The following LGALS12 variants were observed in gnomAD, a reference collection of about 807,000 sequenced individuals.
LGALS12 encodes the protein galectin-12.
Under a neutral mutation model 36.8 loss-of-function variants are expected in LGALS12, and 36 were observed. The observed-to-expected ratio is 0.98, with a 90% CI of 0.75 to 1.29. LGALS12 has a LOEUF of 1.29. LGALS12 is among the 50% of genes most tolerant of loss of function. The pLI is 0.00. For synonymous variants in LGALS12, 145 were observed against 155.9 expected, an observed-to-expected ratio of 0.93 and a Z score of 0.52; for missense variants, 366 against 394.3, an observed-to-expected ratio of 0.93 and a Z score of 0.61.
At chr11:63,511,531 G>T (rs898496930) in intron 6 of LGALS12, among the ~76,000 whole-genome samples, 1 of 152,216 alleles carries the variant, frequency 6.6e-6, no homozygotes, top group African/African-American at 2.4e-5. Context: ...GGACATGGTG[G>T]TCGGGACACA....
At chr11:63,513,243 T>G (rs2016980782) in intron 7 of LGALS12, among the ~76,000 whole-genome samples, 2 of 152,316 alleles carry the variant, frequency 1.3e-5, no homozygotes, top group East Asian at 1.9e-4. Context: ...GATGGAACAC[T>G]TCTTCCCACA....
chr11:63,515,929 G>C (rs191212872), intron 8 of LGALS12, among the ~76,000 whole-genome samples: 3 of 152,090 alleles, frequency 2.0e-5, no homozygotes, highest in South Asian at 2.1e-4. Flanking sequence ...ATGCAGGTGG[G>C]GGGGGGCCCA....
In LGALS12 at chr11:63,516,480, C is replaced by G. The variant is rs2017088570; in HGVS notation, c.*87C>G. 3.4e-6 allele frequency: 5 copies of G among 1,476,516 alleles called. No homozygotes were observed. In the South Asian group the frequency reaches 5.8e-5, roughly 17 times the overall value. The allele number at this position is 1,476,516 out of a possible 1,614,324, so 91.5% of individuals were successfully genotyped here. A position where few individuals can be genotyped will look rare whatever the true frequency, so the allele number is the denominator to read the frequency against. On this transcript the variant is annotated 3_prime_UTR_variant, in exon 9 of 9. Coordinates refer to ENST00000394618, the MANE Select transcript of LGALS12 (RefSeq NM_033101.4). Reference sequence around the variant, plus strand: ...TCTCCTCCCCTCATTAAACCATCCACCTGACACCAGCACATCAGGCCTGGT... The same window carrying G: ...TCTCCTCCCCTCATTAAACCATCCAGCTGACACCAGCACATCAGGCCTGGT...
At position 63,508,891 on chromosome 11, in the gene LGALS12, A is replaced by G; in HGVS notation, c.272A>G (p.His91Arg). Reference protein sequence around the residue: ...TKPHVICNTLHGGRWQREARW... With the variant: ...TKPHVICNTLRGGRWQREARW... ...CCCCATGTCATCTGCAACACCCTGC[A>G]TGGTGGACGCTGGCAAAGGGAGGCC... The change falls in exon 3 of 9, where the codon CAT becomes CGT. Residue 91 changes from histidine to arginine, a missense_variant. Coordinates refer to ENST00000394618, the MANE Select transcript of LGALS12 (RefSeq NM_033101.4). The G allele has an allele frequency of 6.2e-7, 1 of 1,614,226 alleles. No individual in the cohort carries two copies. The highest frequency in any genetic ancestry group is 8.5e-7 in the Non-Finnish European group (1 of 1,180,030).
At chr11:63,510,624 G>A (rs1454752936) in intron 5 of LGALS12, 123 bp downstream of exon 5, 2 of 878,336 alleles carry the variant, frequency 2.3e-6, no homozygotes, top group East Asian at 2.6e-5. Flanking sequence ...CACGGACATG[G>A]CTGGCTCTGC....
At chr11:63,508,523 C>T (rs776798608) in intron 1 of LGALS12, 30 bp from the exon 2 acceptor site, 9 of 1,613,888 alleles carry the variant, frequency 5.6e-6, no homozygotes, top group African/African-American at 1.3e-5. Flanking sequence ...TTCTCCAAAC[C>T]TGCATGGATG....
At chr11:63,509,094 G>A in intron 3 of LGALS12, 103 bp downstream of exon 3, 2 of 952,158 alleles carry the variant, frequency 2.1e-6, no homozygotes, top group South Asian at 1.5e-5. Context: ...GGCATTGGTA[G>A]TGGTCAGGTA....
chr11:63,516,520 A>T lies in LGALS12; in HGVS notation c.*127A>T. On this transcript the variant is annotated 3_prime_UTR_variant, in exon 9 of 9. Coordinates refer to ENST00000394618, the MANE Select transcript of LGALS12 (RefSeq NM_033101.4). ...TCAGGCCTGGTTCACCTCTGGGGTCACGAGACTGAGTCTACAGGAGCTTTG... is the reference window on the plus strand; with the variant it reads ...TCAGGCCTGGTTCACCTCTGGGGTCTCGAGACTGAGTCTACAGGAGCTTTG... The T allele has an allele frequency of 8.8e-7, 1 of 1,135,178 alleles. No individual in the cohort carries two copies. The allele number at this position is 1,135,178 out of a possible 1,614,324, so 70.3% of individuals were successfully genotyped here. A position where few individuals can be genotyped will look rare whatever the true frequency, so the allele number is the denominator to read the frequency against.
chr11:63,514,004 TA>T (rs1474394299), intron 7 of LGALS12, among the ~76,000 whole-genome samples: 1 of 151,924 alleles, frequency 6.6e-6, no homozygotes, highest in Admixed American at 6.6e-5. Context: ...CAGGACGGGG[TA>T]GGGGGAGCCA....
intron 7 of LGALS12, among the ~76,000 whole-genome samples, chr11:63,512,426 C>T (rs1590650242): frequency 6.6e-6 from 1 of 152,220 alleles, no homozygotes; most frequent in East Asian, 1.9e-4. Flanking sequence ...GGCATGTGCT[C>T]AGGACACCTA....
At chr11:63,508,528 T>G (rs1428669434) in intron 1 of LGALS12, 25 bp from the exon 2 acceptor site, 18 of 1,613,986 alleles carry the variant, frequency 1.1e-5, no homozygotes, top group Non-Finnish European at 1.5e-5. Flanking sequence ...CAAACCTGCA[T>G]GGATGAGTTT....
chr11:63,508,757 G>C, intron 2 of LGALS12, 21 bp from the exon 3 acceptor site: 1 of 1,614,036 alleles, frequency 6.2e-7, no homozygotes, highest in African/African-American at 1.3e-5. Context: ...ACCGCACTTT[G>C]AGAGCCTCAC....
intron 1 of LGALS12, chr11:63,508,193 G>T: frequency 1.8e-6 from 2 of 1,117,212 alleles, no homozygotes; most frequent in Non-Finnish European, 2.2e-6. Flanking sequence ...TCCTCAGAAA[G>T]CCCCAGTACC....
At chr11:63,509,030 T>C in intron 3 of LGALS12, 39 bp downstream of exon 3, 1 of 1,522,586 alleles carries the variant, frequency 6.6e-7, no homozygotes, top group South Asian at 1.1e-5. Context: ...CTAGAATTTG[T>C]GTCCTTGCGC....
rs2016865479 is a variant in LGALS12, at chr11:63,509,903, T to C, written c.492+6T>C. The C allele has an allele frequency of 6.2e-7, 1 of 1,613,588 alleles. No homozygotes were observed. The highest frequency in any genetic ancestry group is 2.2e-5 in the East Asian group (1 of 44,872). On this transcript the variant is annotated splice_donor_region_variant and intron_variant, in intron 4 of 8. Coordinates refer to ENST00000394618, the MANE Select transcript of LGALS12 (RefSeq NM_033101.4). ...TTGGATTCCTGAACATCAATGTAAG[T>C]TTCCTTGGGACCAAGGCCTGGGCAG...
At position 63,516,537 on chromosome 11, in the gene LGALS12, G is replaced by A. The variant is rs1464697273; in HGVS notation, c.*144G>A. On this transcript the variant is annotated 3_prime_UTR_variant, in exon 9 of 9. Coordinates refer to ENST00000394618, the MANE Select transcript of LGALS12 (RefSeq NM_033101.4). ...CTGGGGTCACGAGACTGAGTCTACAGGAGCTTTGGGCCTGAGGGAAGGCAC... is the reference window on the plus strand; with the variant it reads ...CTGGGGTCACGAGACTGAGTCTACAAGAGCTTTGGGCCTGAGGGAAGGCAC... 2 of 953,086 alleles carry A rather than the reference G, an allele frequency of 2.1e-6. No individual in the cohort carries two copies. Among genetic ancestry groups the A allele is most frequent in the African/African-American group, 1.6e-5 (1 of 61,458 alleles). The allele number at this position is 953,086 out of a possible 1,614,324, so 59.0% of individuals were successfully genotyped here. A position where few individuals can be genotyped will look rare whatever the true frequency, so the allele number is the denominator to read the frequency against.
intron 7 of LGALS12, among the ~76,000 whole-genome samples, chr11:63,514,338 A>C (rs1421163175): frequency 6.6e-6 from 1 of 152,172 alleles, no homozygotes; most frequent in Non-Finnish European, 1.5e-5. Flanking sequence ...TTGGGAGGCC[A>C]AGGTGGGCAG....
intron 1 of LGALS12, among the ~76,000 whole-genome samples, chr11:63,507,559 C>T (rs907324113): frequency 8.6e-5 from 13 of 151,960 alleles, no homozygotes; most frequent in Admixed American, 1.3e-4. Flanking sequence ...AAGCCAGCCA[C>T]ATGAGCAAAA....
At chr11:63,509,068 C>A (rs757040006) in intron 3 of LGALS12, 77 bp downstream of exon 3, 1,138 of 1,151,676 alleles carry the variant, frequency 9.9e-4, no homozygotes, top group Non-Finnish European at 1.2e-3. Context: ...AGACTCCCCA[C>A]GACACAATGT....
Sources: allele counts gnomAD v4.1 joint callset (sites outside exome capture counted in the v4.1 genomes callset), GRCh38; gene constraint gnomAD v4.1.1; transcripts MANE v1.5; gene names NCBI Gene and HGNC (gene_info 2026-07-23, HGNC 2026-07-21).